ADARB2: variants seen among roughly 807,000 people sequenced by gnomAD.
The protein encoded by ADARB2 is inactive double-stranded RNA-specific editase B2.
In ADARB2, 25 loss-of-function variants were observed where a neutral mutation model predicts 62.2. That is an observed-to-expected ratio of 0.40 (90% CI 0.29 to 0.56). The LOEUF (loss-of-function observed/expected upper bound fraction) is 0.56. Ranked by LOEUF, ADARB2 falls within the 20% of genes least tolerant of loss-of-function variation. The pLI, the probability that ADARB2 is intolerant of heterozygous loss-of-function variation, is 0.43. For synonymous variants in ADARB2, 572 were observed against 500.8 expected, an observed-to-expected ratio of 1.14 and a Z score of -1.90; for missense variants, 1,071 against 1,077.4, an observed-to-expected ratio of 0.99 and a Z score of 0.08.
At position 1,462,034 on chromosome 10, in the gene ADARB2, T is replaced by C. The variant is rs189674852; in HGVS notation, c.101-82874A>G. Among the ~76,000 whole-genome samples the C allele has an allele frequency of 1.6e-4, 24 of 152,322 alleles. 1 individual carries two copies. In the East Asian group the frequency reaches 4.4e-3, roughly 28 times the overall value. ...TATTTTAGTTGTTAATTATTAAAAG[T>C]TGTTTTAATAATTACTTTGCCATCA... On this transcript the variant is annotated intron_variant, in intron 1 of 9. Coordinates refer to ENST00000381312, the MANE Select transcript of ADARB2 (RefSeq NM_018702.4).
At chr10:1,570,831 G>A (rs2676759) in intron 1 of ADARB2, among the ~76,000 whole-genome samples, 45,625 of 151,858 alleles carry the variant, frequency 0.3, 7,000 homozygotes, top group South Asian at 0.34. Flanking sequence ...AGAGAACACC[G>A]CATGCTGGAA....
At chr10:1,265,557 C>G (rs1213244862) in intron 4 of ADARB2, among the ~76,000 whole-genome samples, 1 of 148,076 alleles carries the variant, frequency 6.8e-6, no homozygotes, top group Non-Finnish European at 1.5e-5. Context: ...GGCCCAGGCT[C>G]TCCCGGAAGA....
rs1749695645 is a variant in ADARB2, at chr10:1,219,670, A to G, written c.1514-2551T>C. ...AGCTTTAATGGTGATGGTGATGATA[A>G]TGGTGGTGGTGATGGTGATAATGGA... On this transcript the variant is annotated intron_variant, in intron 6 of 9. Coordinates refer to ENST00000381312, the MANE Select transcript of ADARB2 (RefSeq NM_018702.4). Among the ~76,000 whole-genome samples the G allele has an allele frequency of 2.0e-5, 3 of 152,078 alleles. No individual in the cohort carries two copies. In the South Asian group the frequency reaches 6.2e-4, roughly 32 times the overall value.
intron 1 of ADARB2, among the ~76,000 whole-genome samples, chr10:1,603,329 C>A (rs747707732): frequency 2.0e-5 from 3 of 152,204 alleles, no homozygotes; most frequent in Admixed American, 6.5e-5. Flanking sequence ...TTGACAAGGG[C>A]CAGGAAGCAG....
At chr10:1,554,635 A>G (rs534467122) in intron 1 of ADARB2, among the ~76,000 whole-genome samples, 365 of 152,276 alleles carry the variant, frequency 2.4e-3, no homozygotes, top group African/African-American at 8.2e-3. Context: ...TATTGTGGGC[A>G]TCAGTAGGTC....
intron 1 of ADARB2, among the ~76,000 whole-genome samples, chr10:1,572,403 A>G (rs1832954353): frequency 6.6e-6 from 1 of 152,166 alleles, no homozygotes; most frequent in African/African-American, 2.4e-5. Flanking sequence ...CCACCAGCAT[A>G]TAGAAGAGGG....
intron 2 of ADARB2, among the ~76,000 whole-genome samples, chr10:1,376,391 A>T (rs1008003215): frequency 5.5e-4 from 84 of 152,344 alleles, no homozygotes; most frequent in African/African-American, 2.0e-3. Flanking sequence ...AGAGTTACAT[A>T]ATGTTCACAG....
At position 1,579,951 on chromosome 10, in the gene ADARB2, GTCTTGTCTGT is replaced by G. The variant is rs201292092; in HGVS notation, c.100+157090_100+157099del. On this transcript the variant is annotated intron_variant, in intron 1 of 9. Transcript: ENST00000381312. ...CAGGACTCAGGGGCTCCCTTTTGAA[GTCTTGTCTGT>G]TCACCCAGTAAACATTAGTTATCCC... 5.9e-3 allele frequency among the ~76,000 whole-genome samples: 894 copies of G among 152,296 alleles called. 7 individuals are homozygous for G. Among genetic ancestry groups the G allele is most frequent in the African/African-American group, 0.02 (842 of 41,556 alleles).
rs561118719 is a variant in ADARB2, at chr10:1,704,926, C to T, written c.100+32125G>A. Among the ~76,000 whole-genome samples the T allele has an allele frequency of 4.6e-5, 7 of 152,078 alleles. No individual in the cohort carries two copies. Among genetic ancestry groups the T allele is most frequent in the South Asian group, 2.1e-4 (1 of 4,804 alleles). On this transcript the variant is annotated intron_variant, in intron 1 of 9. Transcript: ENST00000381312. This position sits in a 1 kb window ranked among gnomAD's most constrained non-coding sequence, Gnocchi z 5.6. ...AAGGGTGCAGGGGAGACCATGAGGGCGTGGGCACCACCCAGCCATGAGTCT... is the reference window on the plus strand; with the variant it reads ...AAGGGTGCAGGGGAGACCATGAGGGTGTGGGCACCACCCAGCCATGAGTCT...
chr10:1,271,070 C>A lies in ADARB2; in HGVS notation c.1078-1G>T. The A allele has an allele frequency of 6.2e-7, 1 of 1,613,418 alleles. No homozygotes were observed. ...GCTGGGATATGGAGTCTGCGAATTC[C>A]TGAAAGACACAAGCACAGGCCTCCA... On this transcript the variant is annotated splice_acceptor_variant, in intron 3 of 9. Coordinates refer to ENST00000381312, the MANE Select transcript of ADARB2 (RefSeq NM_018702.4). LOFTEE classifies it high-confidence loss of function.
intron 1 of ADARB2, among the ~76,000 whole-genome samples, chr10:1,556,415 G>A (rs918350003): frequency 8.6e-5 from 13 of 152,014 alleles, no homozygotes; most frequent in Admixed American, 2.6e-4. Flanking sequence ...ACCCTGTGCC[G>A]ATTCCAGAGT....
intron 1 of ADARB2, among the ~76,000 whole-genome samples, chr10:1,468,534 C>T (rs1477946842): frequency 2.0e-5 from 3 of 152,328 alleles, no homozygotes; most frequent in African/African-American, 4.8e-5. Flanking sequence ...ATTCTGGCAT[C>T]GGAATCCCCC....
rs951361262 is a variant in ADARB2, at chr10:1,510,388, C to G, written c.101-131228G>C. ...TTAGAGTTGGGGTCTCACTATGTTG[C>G]CCAGGCTTGTCTCGAACTCCTGAGC... On this transcript the variant is annotated intron_variant, in intron 1 of 9. Coordinates refer to ENST00000381312, the MANE Select transcript of ADARB2 (RefSeq NM_018702.4). 2.6e-5 allele frequency among the ~76,000 whole-genome samples: 4 copies of G among 151,936 alleles called. 1 individual carries two copies. Among genetic ancestry groups the G allele is most frequent in the South Asian group, 4.2e-4 (2 of 4,818 alleles).
chr10:1,330,697 C>T (rs1468099332), intron 3 of ADARB2, among the ~76,000 whole-genome samples: 2 of 152,250 alleles, frequency 1.3e-5, no homozygotes, highest in East Asian at 3.9e-4. Context: ...GGCAACGATT[C>T]ATTAGCTAGG....
At chr10:1,651,786 C>A (rs575260229) in intron 1 of ADARB2, among the ~76,000 whole-genome samples, 50 of 152,210 alleles carry the variant, frequency 3.3e-4, no homozygotes, top group Non-Finnish European at 5.0e-4. Context: ...GTGCTGCTTT[C>A]TCTCTGCCCG....
rs182643694 is a variant in ADARB2 at position 1,528,575 on chromosome 10, C to T, written c.101-149415G>A. 1.7e-3 allele frequency among the ~76,000 whole-genome samples: 259 copies of T among 152,356 alleles called. 2 individuals carry two copies. Among genetic ancestry groups the T allele is most frequent in the Middle Eastern group, 3.4e-3 (1 of 294 alleles). ...TTACTTGTCTGAGGTCTTTGGTCAT[C>T]CCAGCAGCGCCCGGTGTGAGCCCTC... On this transcript the variant is annotated intron_variant, in intron 1 of 9. Coordinates refer to ENST00000381312, the MANE Select transcript of ADARB2 (RefSeq NM_018702.4).
chr10:1,421,005 C>T (rs1383238031), intron 1 of ADARB2, among the ~76,000 whole-genome samples: 2 of 151,962 alleles, frequency 1.3e-5, no homozygotes, highest in Non-Finnish European at 2.9e-5. Context: ...GGTGTTACAC[C>T]TCCACTGCTC....
intron 6 of ADARB2, among the ~76,000 whole-genome samples, chr10:1,227,680 G>A (rs537049771): frequency 6.6e-6 from 1 of 152,138 alleles, no homozygotes; most frequent in African/African-American, 2.4e-5. Context: ...GGGAGCTAAA[G>A]ATTTATCTAA....
intron 1 of ADARB2, among the ~76,000 whole-genome samples, chr10:1,448,502 G>A (rs1243519785): frequency 6.6e-6 from 1 of 152,176 alleles, no homozygotes; most frequent in African/African-American, 2.4e-5. Context: ...TTCTGGTCTT[G>A]GCAGGAAGCT....
Sources: gnomAD v4.1 joint callset for allele counts (sites outside exome capture counted in the v4.1 genomes callset) on GRCh38, gnomAD v4.1.1 for gene constraint, Gnocchi (gnomAD v3.1) non-coding constraint, MANE v1.5 for transcripts, NCBI Gene and HGNC (gene_info 2026-07-23, HGNC 2026-07-21) for gene names.